EML6: variants seen among roughly 807,000 people sequenced by gnomAD.
EML6 encodes the protein EMAP like 6.
EML6 carries 154 observed loss-of-function variants against 240.1 expected under a neutral mutation model. The observed-to-expected ratio is 0.64, with a 90% CI of 0.56 to 0.73. The LOEUF (loss-of-function observed/expected upper bound fraction) is 0.73. Ranked by LOEUF, EML6 falls within the 30% of genes least tolerant of loss-of-function variation. The pLI is 0.00. For synonymous variants in EML6, 1,148 were observed against 899.0 expected (o/e 1.28, Z -4.95); for missense variants, 2,964 against 2,474.6 (o/e 1.20, Z -4.20).
rs140574023 is a variant in EML6 at position 54,832,886 on chromosome 2, A to G, written c.847+3409A>G. ...AGACTTCCTTGCCCTCAGTTTGGAC[A>G]TGAAGCTTCCTTGTTCTCAGTTTGG... On this transcript the variant is annotated intron_variant, in intron 7 of 41. Transcript: ENST00000356458. 4.9e-4 allele frequency among the ~76,000 whole-genome samples: 74 copies of G among 152,328 alleles called. 2 individuals are homozygous for G. In the East Asian group the frequency reaches 8.7e-3, roughly 18 times the overall value.
intron 11 of EML6, among the ~76,000 whole-genome samples, chr2:54,856,507 C>T (rs1670389070): frequency 6.6e-6 from 1 of 152,226 alleles, no homozygotes; most frequent in African/African-American, 2.4e-5. Flanking sequence ...GCTTGAACAG[C>T]CACCTCCCAT....
intron 2 of EML6, among the ~76,000 whole-genome samples, chr2:54,770,775 C>A (rs1668371618): frequency 6.6e-6 from 1 of 152,138 alleles, no homozygotes; most frequent in Non-Finnish European, 1.5e-5. Flanking sequence ...TCCCCTTATT[C>A]CTGTGACTGC....
chr2:54,950,871 C>T lies in EML6; in HGVS notation c.4213+92C>T, dbSNP rs751047100. On this transcript the variant is annotated intron_variant, in intron 30 of 41. Coordinates refer to ENST00000356458, the MANE Select transcript of EML6 (RefSeq NM_001039753.4). Reference sequence around the variant, plus strand: ...AGATGCCCAAAAGCTTAAGCATTTTCCTTCCCTTATAGAGCCATTCCCCCC... The same window carrying T: ...AGATGCCCAAAAGCTTAAGCATTTTTCTTCCCTTATAGAGCCATTCCCCCC... 9 of 1,357,298 alleles carry T rather than the reference C, an allele frequency of 6.6e-6. No homozygotes were observed. In the South Asian group the frequency reaches 1.2e-4, roughly 17 times the overall value. The allele number at this position is 1,357,298 out of a possible 1,614,324, so 84.1% of individuals were successfully genotyped here. A position where few individuals can be genotyped will look rare whatever the true frequency, so the allele number is the denominator to read the frequency against.
intron 17 of EML6, among the ~76,000 whole-genome samples, chr2:54,885,735 C>T (rs984745297): frequency 1.3e-5 from 2 of 152,134 alleles, no homozygotes; most frequent in African/African-American, 4.8e-5. Flanking sequence ...CCTCAGCCTC[C>T]TGAGTAGCTG....
At chr2:54,789,323 C>T (rs1472725904) in intron 2 of EML6, among the ~76,000 whole-genome samples, 2 of 151,652 alleles carry the variant, frequency 1.3e-5, no homozygotes, top group Non-Finnish European at 2.9e-5. Context: ...ACCATCCTGG[C>T]TAACACGGTG....
rs186019005 is a variant in EML6, at chr2:54,788,028, C to A, written c.198-25204C>A. Among the ~76,000 whole-genome samples the A allele has an allele frequency of 1.1e-4, 17 of 152,276 alleles. No individual in the cohort carries two copies. In the East Asian group the frequency reaches 3.1e-3, roughly 28 times the overall value. On this transcript the variant is annotated intron_variant, in intron 2 of 41. Coordinates refer to ENST00000356458, the MANE Select transcript of EML6 (RefSeq NM_001039753.4). ...CCCACAGCTGTTGACCATGATGAAA[C>A]CTGATGGTCAACATCAGAGTCAGGT...
At chr2:54,920,628 A>G (rs1314626227) in intron 26 of EML6, among the ~76,000 whole-genome samples, 2 of 152,332 alleles carry the variant, frequency 1.3e-5, no homozygotes, top group Admixed American at 1.3e-4. Context: ...AAAGAAAAAA[A>G]ATTGAAGGGG....
chr2:54,853,284 G>A lies in EML6; in HGVS notation c.1445-359G>A, dbSNP rs972225735. Among the ~76,000 whole-genome samples, 9 of 152,246 alleles carry A rather than the reference G, an allele frequency of 5.9e-5. No individual in the cohort carries two copies. The East Asian group carries it at 1.2e-3, about 20-fold the overall frequency. On this transcript the variant is annotated intron_variant, in intron 10 of 41. Coordinates refer to ENST00000356458, the MANE Select transcript of EML6 (RefSeq NM_001039753.4). ...TCTGTATCAAGGTAATTAAGTAATTGTTAGTAGCTTGAGACATTACATTTA... is the reference window on the plus strand; with the variant it reads ...TCTGTATCAAGGTAATTAAGTAATTATTAGTAGCTTGAGACATTACATTTA...
intron 25 of EML6, among the ~76,000 whole-genome samples, chr2:54,912,259 A>G (rs375159180): frequency 2.0e-5 from 3 of 152,218 alleles, no homozygotes; most frequent in Non-Finnish European, 4.4e-5. Context: ...CCCCTCCCCA[A>G]TTCCAATTTA....
At chr2:54,862,109 G>A (rs1202179709) in intron 12 of EML6, among the ~76,000 whole-genome samples, 1 of 152,012 alleles carries the variant, frequency 6.6e-6, no homozygotes. Flanking sequence ...GCTAAGGCGG[G>A]TGGATCACTT....
intron 26 of EML6, among the ~76,000 whole-genome samples, chr2:54,919,008 A>G (rs1271841072): frequency 2.0e-5 from 3 of 152,188 alleles, no homozygotes; most frequent in Non-Finnish European, 4.4e-5. Flanking sequence ...TCCCACTGGG[A>G]TACAAGAACC....
chr2:54,961,081 T>G (rs2104530254), intron 35 of EML6, among the ~76,000 whole-genome samples: 1 of 151,954 alleles, frequency 6.6e-6, no homozygotes, highest in South Asian at 2.1e-4. Flanking sequence ...GATTCAAAAC[T>G]GGGGATTTTG....
In EML6 at chr2:54,928,402, G is replaced by C. The variant is rs531851910; in HGVS notation, c.3765G>C (p.Thr1255=). 1.3e-6 allele frequency: 2 copies of C among 1,551,590 alleles called. No individual in the cohort carries two copies. The highest frequency in any genetic ancestry group is 2.4e-5 in the East Asian group (1 of 40,918). ...RWLHNDSVLL[T]VGGADTALMI... ...TGCACAATGACTCTGTGCTGCTCAC[G>C]GTGGGCGGCGCCGACACAGCCCTGA... is the stretch of plus-strand genomic sequence containing the variant. Residue 1255 remains threonine, a synonymous_variant, in exon 27 of 42, where the codon ACG becomes ACC. Coordinates refer to ENST00000356458, the MANE Select transcript of EML6 (RefSeq NM_001039753.4).
chr2:54,938,896 G>A (rs149716455), intron 28 of EML6, among the ~76,000 whole-genome samples: 30 of 152,238 alleles, frequency 2.0e-4, no homozygotes, highest in African/African-American at 7.2e-4. Flanking sequence ...GGGAGACCTG[G>A]GAGTTGCCTT....
chr2:54,831,368 C>A (rs1668860067), intron 7 of EML6, among the ~76,000 whole-genome samples: 1 of 152,168 alleles, frequency 6.6e-6, no homozygotes, highest in African/African-American at 2.4e-5. Context: ...TACTTTTCTG[C>A]CCAATACTGA....
At chr2:54,854,263 A>T (rs1398269305) in intron 11 of EML6, among the ~76,000 whole-genome samples, 1 of 152,230 alleles carries the variant, frequency 6.6e-6, no homozygotes, top group Non-Finnish European at 1.5e-5. Flanking sequence ...TTAAAATCTG[A>T]TCATGGTTGT....
At chr2:54,823,809 C>T (rs1487075362) in intron 5 of EML6, among the ~76,000 whole-genome samples, 6 of 146,510 alleles carry the variant, frequency 4.1e-5, no homozygotes, top group Non-Finnish European at 9.0e-5. Flanking sequence ...TCTGGGCAAC[C>T]ATTTAATCTC....
At chr2:54,754,437 T>A (rs1558527147) in intron 2 of EML6, among the ~76,000 whole-genome samples, 1 of 152,208 alleles carries the variant, frequency 6.6e-6, no homozygotes, top group Non-Finnish European at 1.5e-5. Flanking sequence ...AGGAAACTAG[T>A]ACAAGCACCT....
intron 2 of EML6, among the ~76,000 whole-genome samples, chr2:54,765,364 A>G (rs1668138274): frequency 6.6e-6 from 1 of 152,216 alleles, no homozygotes; most frequent in African/African-American, 2.4e-5. Flanking sequence ...TAATTTTAGC[A>G]TTTAATTATA....
Sources: allele counts gnomAD v4.1 joint callset (sites outside exome capture counted in the v4.1 genomes callset), GRCh38; gene constraint gnomAD v4.1.1; transcripts MANE v1.5; gene names NCBI Gene and HGNC (gene_info 2026-07-23, HGNC 2026-07-21).